KCNA4: variants seen among roughly 807,000 people sequenced by gnomAD.
The protein encoded by KCNA4 is cardiac potassium channel.
Under a neutral mutation model 37.2 loss-of-function variants are expected in KCNA4, and 5 were observed. The ratio of observed to expected loss-of-function variants is 0.13; its 90% CI spans 0.07 to 0.28. The LOEUF is 0.28. Ranked by LOEUF, KCNA4 falls within the 10% of genes least tolerant of loss-of-function variation. The probability of loss-of-function intolerance (pLI) is 1.00; values close to 1 mark genes in which losing one functional copy is unlikely to be tolerated. For missense variants in KCNA4, 634 were observed against 817.4 expected, an observed-to-expected ratio of 0.78 and a Z score of 2.74; for synonymous variants, 350 against 311.8, an observed-to-expected ratio of 1.12 and a Z score of -1.29.
chr11:30,010,781 C>T lies in KCNA4; in HGVS notation c.1898G>A (p.Gly633Glu). ...GTTTTTATCTGTCTCACTGTCATCC[C>T]CCTTTCCCTGACACTTCTCCTCCTT... ...CAKEEKCQGK[G>E]DDSETDKNNC... Residue 633 changes from glycine to glutamate, a missense_variant, in exon 2 of 2, where the codon GGG becomes GAG. Physicochemically the swap from Gly to Glu is moderately conservative, Grantham distance 98 (BLOSUM62 -2). Around this residue, in one of 8 missense-constraint regions of KCNA4, gnomAD observed 91 missense variants for 95.8 expected, o/e 0.95. Transcript: ENST00000328224. The T allele has an allele frequency of 1.9e-6, 3 of 1,614,132 alleles. No individual in the cohort carries two copies. In the South Asian group the frequency reaches 3.3e-5, roughly 18 times the overall value.
intron 1 of KCNA4, among the ~76,000 whole-genome samples, chr11:30,014,508 T>C (rs148217541): frequency 1.3e-5 from 2 of 152,256 alleles, no homozygotes; most frequent in African/African-American, 4.8e-5. Flanking sequence ...GTGGACTTCA[T>C]TCTTAGCCTA....
At position 30,012,545 on chromosome 11, in the gene KCNA4, G is replaced by C. The variant is rs754238812; in HGVS notation, c.134C>G (p.Ala45Gly). 1 of 1,607,790 alleles carries C rather than the reference G, an allele frequency of 6.2e-7. No individual in the cohort carries two copies. Among genetic ancestry groups the C allele is most frequent in the East Asian group, 2.2e-5 (1 of 44,808 alleles). ...ACCTTCGACAGCAGCTGTGGCCGCTGCAACAGCAGCTGCTGCAGCTGCCCT... is the reference window on the plus strand; with the variant it reads ...ACCTTCGACAGCAGCTGTGGCCGCTCCAACAGCAGCTGCTGCAGCTGCCCT... ...HSRAAAAAAV[A>G]AATAAVEGSG... Residue 45 changes from alanine (A) to glycine (G), a missense_variant, in exon 2 of 2, where the codon GCA (alanine) becomes GGA (glycine). Coordinates refer to ENST00000328224, the MANE Select transcript of KCNA4 (RefSeq NM_002233.4).
chr11:30,015,716 G>C (rs1198226902), intron 1 of KCNA4, among the ~76,000 whole-genome samples: 1 of 152,194 alleles, frequency 6.6e-6, no homozygotes, highest in East Asian at 1.9e-4. Flanking sequence ...AAATCAGACT[G>C]GTTTAAAATC....
chr11:30,010,587 G>T lies in KCNA4; in HGVS notation c.*130C>A, dbSNP rs2133452686. The T allele has an allele frequency of 4.5e-6, 6 of 1,323,836 alleles. No individual in the cohort carries two copies. The highest frequency in any genetic ancestry group is 6.0e-6 in the Non-Finnish European group (6 of 997,858). The allele number at this position is 1,323,836 out of a possible 1,614,324, so 82.0% of individuals were successfully genotyped here. A position where few individuals can be genotyped will look rare whatever the true frequency, so the allele number is the denominator to read the frequency against. ...ACAAGTTTAGTAACAATTATGCCAT[G>T]TATAACCATTAAATAGTGTACTACT... On this transcript the variant is annotated 3_prime_UTR_variant, in exon 2 of 2. Coordinates refer to ENST00000328224, the MANE Select transcript of KCNA4 (RefSeq NM_002233.4).
rs1355534921 is a variant in KCNA4 at position 30,010,834 on chromosome 11, T to C, written c.1845A>G (p.Glu615=). The stretch of plus-strand genomic sequence containing the variant: ...CACACAGAGATTCCTTAACTCCTTC[T>C]TCCATCTCTAGATACTCTGACTTGT... ...LGDKSEYLEM[E]EGVKESLCAK... The change falls in exon 2 of 2, where the codon GAA becomes GAG. Residue 615 remains glutamate (E), a synonymous_variant. Coordinates refer to ENST00000328224, the MANE Select transcript of KCNA4 (RefSeq NM_002233.4). The C allele has an allele frequency of 6.2e-7, 1 of 1,614,178 alleles. No homozygotes were observed.
Position 30,016,991 on chromosome 11 carries a change from C to T in KCNA4, c.-1202G>A. ...ATCCCTCTCTCGCTCTCGCTGGCTGCGGGAGCAGCACACGCCTCCCCTGGC... is the reference window on the plus strand; with the variant it reads ...ATCCCTCTCTCGCTCTCGCTGGCTGTGGGAGCAGCACACGCCTCCCCTGGC... On this transcript the variant is annotated 5_prime_UTR_variant, in exon 1 of 2. Coordinates refer to ENST00000328224, the MANE Select transcript of KCNA4 (RefSeq NM_002233.4). The T allele has an allele frequency of 2.5e-6, 1 of 398,076 alleles. No individual in the cohort carries two copies. The highest frequency in any genetic ancestry group is 4.4e-6 in the Non-Finnish European group (1 of 225,784). The allele number at this position is 398,076 out of a possible 1,614,324, so 24.7% of individuals were successfully genotyped here. A position where few individuals can be genotyped will look rare whatever the true frequency, so the allele number is the denominator to read the frequency against.
chr11:30,011,968 T>C lies in KCNA4; in HGVS notation c.711A>G (p.Ser237=), dbSNP rs1438451660. The part of the protein sequence containing the change: ...SFDAILYYYQ[S]GGRLKRPVNV... ...TGACTGGCCTCTTCAGGCGGCCTCCTGATTGATAATAATACAAGATGGCAT... is the reference window on the plus strand; with the variant it reads ...TGACTGGCCTCTTCAGGCGGCCTCCCGATTGATAATAATACAAGATGGCAT... Residue 237 remains serine, a synonymous_variant, in exon 2 of 2, where the codon TCA becomes TCG. Transcript: ENST00000328224. This position sits in a 1 kb window ranked among gnomAD's most constrained non-coding sequence, Gnocchi z 5.6. 2.0e-5 allele frequency: 32 copies of C among 1,613,964 alleles called. No homozygotes were observed. The highest frequency in any genetic ancestry group is 2.6e-5 in the Non-Finnish European group (31 of 1,180,026).
At position 30,016,867 on chromosome 11, in the gene KCNA4, G is replaced by A. The variant is rs1850357570; in HGVS notation, c.-1078C>T. On this transcript the variant is annotated 5_prime_UTR_variant, in exon 1 of 2. Coordinates refer to ENST00000328224, the MANE Select transcript of KCNA4 (RefSeq NM_002233.4). ...GGTTCCTCTGGAGTTCAGCACAGGA[G>A]GGATTGCCTGGGAAAGGAAGTCAAG... 5.0e-6 allele frequency: 2 copies of A among 398,332 alleles called. No individual in the cohort carries two copies. Among genetic ancestry groups the A allele is most frequent in the African/African-American group, 2.1e-5 (1 of 48,616 alleles). The allele number at this position is 398,332 out of a possible 1,614,324, so 24.7% of individuals were successfully genotyped here. A position where few individuals can be genotyped will look rare whatever the true frequency, so the allele number is the denominator to read the frequency against.
chr11:30,011,509 G>A lies in KCNA4; in HGVS notation c.1170C>T (p.Cys390=). The A allele has an allele frequency of 6.2e-7, 1 of 1,614,140 alleles. No individual in the cohort carries two copies. Among genetic ancestry groups the A allele is most frequent in the Non-Finnish European group, 8.5e-7 (1 of 1,180,028 alleles). The part of the protein sequence containing the change: ...VWFSFEFVVR[C]FACPSQALFF... ...AGAGTGCTTGGCTGGGACAAGCAAA[G>A]CAGCGAACCACAAACTCAAAGGAAA... Residue 390 remains cysteine, a synonymous_variant, in exon 2 of 2, where the codon TGC becomes TGT. Coordinates refer to ENST00000328224, the MANE Select transcript of KCNA4 (RefSeq NM_002233.4). The surrounding 1 kb of genome is among the most constrained non-coding windows in gnomAD (Gnocchi z 5.6).
Position 30,012,563 on chromosome 11 carries a change from G to A in KCNA4, c.116C>T (p.Ala39Val), listed in dbSNP as rs1485100634. 6.2e-7 allele frequency: 1 copy of A among 1,607,372 alleles called. No individual in the cohort carries two copies. The highest frequency in any genetic ancestry group is 8.5e-7 in the Non-Finnish European group (1 of 1,179,950). The change falls in exon 2 of 2, where the codon GCT (alanine) becomes GTT (valine). Residue 39 changes from alanine (A) to valine (V), a missense_variant. Ala to Val is a moderately conservative substitution (Grantham distance 64). This residue lies in a region of KCNA4 where 236 missense variants were observed against 229.5 expected (regional missense o/e 1.03). Transcript: ENST00000328224. Reference protein sequence around the residue: ...ERERLAHSRAAAAAAVAAATA... With the variant: ...ERERLAHSRAVAAAAVAAATA... Reference sequence around the variant, plus strand: ...GGCCGCTGCAACAGCAGCTGCTGCAGCTGCCCTGGAGTGAGCAAGCCTCTC... The same window carrying A: ...GGCCGCTGCAACAGCAGCTGCTGCAACTGCCCTGGAGTGAGCAAGCCTCTC...
rs1167160961 is a variant in KCNA4 at position 30,010,779 on chromosome 11, C to T, written c.1900G>A (p.Asp634Asn). Reference sequence around the variant, plus strand: ...TTGTTTTTATCTGTCTCACTGTCATCCCCCTTTCCCTGACACTTCTCCTCC... The same window carrying T: ...TTGTTTTTATCTGTCTCACTGTCATTCCCCTTTCCCTGACACTTCTCCTCC... ...AKEEKCQGKG[D>N]DSETDKNNCS... Residue 634 changes from aspartate to asparagine, a missense_variant, in exon 2 of 2, where the codon GAT becomes AAT. Asp to Asn is a conservative substitution (Grantham distance 23). Transcript: ENST00000328224. 2 of 1,614,096 alleles carry T rather than the reference C, an allele frequency of 1.2e-6. No individual in the cohort carries two copies. Among genetic ancestry groups the T allele is most frequent in the South Asian group, 1.1e-5 (1 of 91,052 alleles).
chr11:30,015,287 C>G (rs1219324525), intron 1 of KCNA4, among the ~76,000 whole-genome samples: 1 of 152,158 alleles, frequency 6.6e-6, no homozygotes, highest in Non-Finnish European at 1.5e-5. Context: ...AACATCCTTT[C>G]AAGACCGGTA....
rs368335279 is a variant in KCNA4, at chr11:30,012,559, T to C, written c.120A>G (p.Ala40=). 5.5e-5 allele frequency: 88 copies of C among 1,607,510 alleles called. 1 individual carries two copies. Among genetic ancestry groups the C allele is most frequent in the East Asian group, 2.7e-4 (12 of 44,810 alleles). ...RERLAHSRAA[A]AAAVAAATAA... ...CTGTGGCCGCTGCAACAGCAGCTGC[T>C]GCAGCTGCCCTGGAGTGAGCAAGCC... The change falls in exon 2 of 2, where the codon GCA becomes GCG. Residue 40 remains alanine, a synonymous_variant. Transcript: ENST00000328224.
intron 1 of KCNA4, among the ~76,000 whole-genome samples, chr11:30,015,754 A>G (rs1295259569): frequency 6.6e-6 from 1 of 152,188 alleles, no homozygotes; most frequent in Non-Finnish European, 1.5e-5. Flanking sequence ...TACTCTTGTT[A>G]GGAGAATCTA....
Position 30,012,030 on chromosome 11 carries a change from T to C in KCNA4, c.649A>G (p.Asn217Asp). The C allele has an allele frequency of 6.2e-7, 1 of 1,614,092 alleles. No individual in the cohort carries two copies. The highest frequency in any genetic ancestry group is 8.5e-7 in the Non-Finnish European group (1 of 1,180,008). ...KRTQYFDPLR[N>D]EYFFDRNRPS... The stretch of plus-strand genomic sequence containing the variant: ...CGGTTCCTGTCAAAAAAATACTCAT[T>C]GCGCAAAGGGTCAAAGTACTGAGTC... Residue 217 changes from asparagine (N) to aspartate (D), a missense_variant, in exon 2 of 2, where the codon AAT becomes GAT. Transcript: ENST00000328224.
chr11:30,014,341 AAC>A (rs1274435716), intron 1 of KCNA4, among the ~76,000 whole-genome samples: 1 of 152,018 alleles, frequency 6.6e-6, no homozygotes, highest in Admixed American at 6.6e-5. Flanking sequence ...TTGAATCCTG[AAC>A]ACTCCCTACC....
chr11:30,016,241 C>A (rs1270487920), intron 1 of KCNA4: 1 of 151,882 alleles, frequency 6.6e-6, no homozygotes, highest in East Asian at 1.9e-4. Context: ...GATGCTAAAT[C>A]TTAACCCCCC....
rs771648510 is a variant in KCNA4 at position 30,012,642 on chromosome 11, A to C, written c.37T>G (p.Cys13Gly). ...TAACCATAAGGCATGTGACTGTTGC[A>C]CCCTGAGCTCTCCGCACTCACCATT... ...VAMVSAESSG[C>G]NSHMPYGYAA... Residue 13 changes from cysteine to glycine, a missense_variant, in exon 2 of 2, where the codon TGC becomes GGC. Physicochemically the swap from Cys to Gly is radical, Grantham distance 159 (BLOSUM62 -3). Coordinates refer to ENST00000328224, the MANE Select transcript of KCNA4 (RefSeq NM_002233.4). 1.9e-6 allele frequency: 3 copies of C among 1,588,032 alleles called. No individual in the cohort carries two copies. Among genetic ancestry groups the C allele is most frequent in the Non-Finnish European group, 2.6e-6 (3 of 1,164,650 alleles).
chr11:30,011,197 A>AG lies in KCNA4; in HGVS notation c.1481_1482insC (p.Ala495CysfsTer9). On this transcript the variant is annotated frameshift_variant, in exon 2 of 2. Coordinates refer to ENST00000328224, the MANE Select transcript of KCNA4 (RefSeq NM_002233.4). LOFTEE classifies it high-confidence loss of function. This position sits in a 1 kb window ranked among gnomAD's most constrained non-coding sequence, Gnocchi z 5.6. ...CATCCGCCTCTGCAAAATACACAGC[A>AG]CTAGAAAAGAGGATGACCCCAATGA... The AG allele has an allele frequency of 6.2e-7, 1 of 1,614,138 alleles. No homozygotes were observed. The highest frequency in any genetic ancestry group is 8.5e-7 in the Non-Finnish European group (1 of 1,180,032).
Sources: gnomAD v4.1 joint callset for allele counts (sites outside exome capture counted in the v4.1 genomes callset) on GRCh38, gnomAD v4.1.1 for gene constraint, gnomAD v4.1.1 regional missense constraint, Gnocchi (gnomAD v3.1) non-coding constraint, MANE v1.5 for transcripts, NCBI Gene and HGNC (gene_info 2026-07-23, HGNC 2026-07-21) for gene names.